Variants in SWAP70 observed in about 807,000 individuals in gnomAD.
The protein encoded by SWAP70 is switch-associated protein 70.
Under a neutral mutation model 80.2 loss-of-function variants are expected in SWAP70, and 34 were observed. That is an observed-to-expected ratio of 0.42 (90% CI 0.32 to 0.56). The LOEUF is 0.56. Ranked by LOEUF, SWAP70 falls within the 20% of genes least tolerant of loss-of-function variation. The probability of loss-of-function intolerance (pLI) is 0.09; values close to 1 mark genes in which losing one functional copy is unlikely to be tolerated. For synonymous variants in SWAP70, 239 were observed against 238.5 expected, an observed-to-expected ratio of 1.00 and a Z score of -0.02; for missense variants, 578 against 690.7, an observed-to-expected ratio of 0.84 and a Z score of 1.83.
intron 9 of SWAP70, 66 bp from the exon 10 acceptor site, chr11:9,747,792 C>T: frequency 2.0e-6 from 3 of 1,485,262 alleles, no homozygotes; most frequent in Non-Finnish European, 1.9e-6. Context: ...AAATGCTTCC[C>T]TCGTCTGCTG....
intron 10 of SWAP70, among the ~76,000 whole-genome samples, chr11:9,748,262 G>T (rs1397609246): frequency 1.3e-5 from 2 of 152,172 alleles, no homozygotes; most frequent in Non-Finnish European, 2.9e-5. Context: ...TTTGAACAGG[G>T]AAAGTTTAAT....
intron 9 of SWAP70, chr11:9,741,389 A>C (rs1851436150): frequency 6.6e-6 from 1 of 152,206 alleles, no homozygotes; most frequent in Admixed American, 6.5e-5. Context: ...ACAGGTGCAC[A>C]TTCACTGCAC....
At chr11:9,691,212 C>G (rs1458151912) in intron 1 of SWAP70, among the ~76,000 whole-genome samples, 1 of 152,172 alleles carries the variant, frequency 6.6e-6, no homozygotes, top group East Asian at 1.9e-4. Flanking sequence ...GCCACCATGC[C>G]CAGCCTGTTG....
At position 9,674,830 on chromosome 11, in the gene SWAP70, G is replaced by T. The variant is rs780337934; in HGVS notation, c.99+10552G>T. 1.6e-4 allele frequency among the ~76,000 whole-genome samples: 24 copies of T among 152,118 alleles called. No homozygotes were observed. In the South Asian group the frequency reaches 2.1e-3, roughly 13 times the overall value. Reference sequence around the variant, plus strand: ...ATACAAAAAAAGAAATTAGCTGGGCGTGGTGGCGGGCGGCTGTAGTCCCAG... The same window carrying T: ...ATACAAAAAAAGAAATTAGCTGGGCTTGGTGGCGGGCGGCTGTAGTCCCAG... On this transcript the variant is annotated intron_variant, in intron 1 of 11. Coordinates refer to ENST00000318950, the MANE Select transcript of SWAP70 (RefSeq NM_015055.4).
intron 10 of SWAP70, among the ~76,000 whole-genome samples, chr11:9,748,562 T>C (rs921017534): frequency 1.3e-5 from 2 of 152,242 alleles, no homozygotes; most frequent in African/African-American, 2.4e-5. Context: ...AGGGAGGTGC[T>C]ACAGAAACTC....
chr11:9,732,493 C>T, intron 6 of SWAP70, 36 bp from the exon 7 acceptor site: 2 of 1,561,406 alleles, frequency 1.3e-6, no homozygotes, highest in Non-Finnish European at 8.7e-7. Flanking sequence ...TAAATAATAT[C>T]TCCCCATTTT....
At chr11:9,726,761 A>C (rs1851230227) in intron 4 of SWAP70, 2 of 396,810 alleles carry the variant, frequency 5.0e-6, no homozygotes, top group Non-Finnish European at 1.0e-5. Flanking sequence ...GGCCTATAAT[A>C]ATGTATAATT....
chr11:9,687,259 G>A (rs1387457044), intron 1 of SWAP70, among the ~76,000 whole-genome samples: 1 of 152,084 alleles, frequency 6.6e-6, no homozygotes, highest in Non-Finnish European at 1.5e-5. Flanking sequence ...ATATTTAAAG[G>A]CATTCTTAGT....
intron 7 of SWAP70, among the ~76,000 whole-genome samples, chr11:9,733,105 C>T (rs1851321422): frequency 3.3e-5 from 5 of 152,006 alleles, no homozygotes. Flanking sequence ...CTTGGAAGAC[C>T]CTTACTTTAG....
intron 3 of SWAP70, among the ~76,000 whole-genome samples, chr11:9,717,472 A>G (rs1037613046): frequency 2.6e-5 from 4 of 152,012 alleles, no homozygotes; most frequent in African/African-American, 9.7e-5. Context: ...TGTGTCTACA[A>G]AAAAATACAA....
intron 1 of SWAP70, among the ~76,000 whole-genome samples, chr11:9,665,769 C>T (rs1590002270): frequency 1.3e-5 from 2 of 152,188 alleles, no homozygotes; most frequent in Non-Finnish European, 2.9e-5. Flanking sequence ...TTTAGCCATG[C>T]ATCTGTGAGA....
In SWAP70 at chr11:9,664,142, T is replaced by G. The variant is rs1349492436; in HGVS notation, c.-38T>G. 1.3e-6 allele frequency: 2 copies of G among 1,528,742 alleles called. No individual in the cohort carries two copies. Among genetic ancestry groups the G allele is most frequent in the Non-Finnish European group, 1.8e-6 (2 of 1,139,158 alleles). The allele number at this position is 1,528,742 out of a possible 1,614,324, so 94.7% of individuals were successfully genotyped here. A position where few individuals can be genotyped will look rare whatever the true frequency, so the allele number is the denominator to read the frequency against. ...GCGTCCGAGGCGCGGAGGGGCTGGC[T>G]GGGCAGGAGGGGTTGGCGGGGCAGC... On this transcript the variant is annotated 5_prime_UTR_variant, in exon 1 of 12. Transcript: ENST00000318950.
At chr11:9,696,629 G>A (rs1485829107) in intron 2 of SWAP70, among the ~76,000 whole-genome samples, 1 of 152,056 alleles carries the variant, frequency 6.6e-6, no homozygotes, top group African/African-American at 2.4e-5. Flanking sequence ...GTTTTTTTAT[G>A]TGACCAGTAG....
At chr11:9,727,098 T>C in intron 4 of SWAP70, 1 of 384,244 alleles carries the variant, frequency 2.6e-6, no homozygotes, top group South Asian at 2.0e-5. Flanking sequence ...CTTATTTTAT[T>C]TAAAAATTTT....
intron 4 of SWAP70, chr11:9,726,849 CTTAGAAGCCACAT>C (rs1328013674): frequency 2.2e-6 from 1 of 456,006 alleles, no homozygotes; most frequent in Non-Finnish European, 4.4e-6. Flanking sequence ...TGAGTGTGAG[CTTAGAAGCCACAT>C]TTAGAAGCCA....
intron 3 of SWAP70, chr11:9,720,254 A>C (rs1386034790): frequency 7.1e-6 from 7 of 985,314 alleles, no homozygotes; most frequent in Non-Finnish European, 8.4e-6. Context: ...AATCTAGATT[A>C]GTTGTCTGGC....
rs1851572851 is a variant in SWAP70 at position 9,750,491 on chromosome 11, A to C, written c.*521A>C. ...AAGGGTTACCTGAAAAGAAAAAAAA[A>C]GTCAACATTGTCAAGCTGTTTGTTT... On this transcript the variant is annotated 3_prime_UTR_variant, in exon 12 of 12. Coordinates refer to ENST00000318950, the MANE Select transcript of SWAP70 (RefSeq NM_015055.4). 6.6e-6 allele frequency: 1 copy of C among 152,346 alleles called. No individual in the cohort carries two copies. The highest frequency in any genetic ancestry group is 2.1e-4 in the South Asian group (1 of 4,842). 9.4% of individuals were successfully genotyped at this position (152,346 alleles called of 1,614,324 possible). A position where few individuals can be genotyped will look rare whatever the true frequency, so the allele number is the denominator to read the frequency against.
At chr11:9,689,260 C>A (rs1050669437) in intron 1 of SWAP70, among the ~76,000 whole-genome samples, 6 of 152,196 alleles carry the variant, frequency 3.9e-5, no homozygotes, top group Admixed American at 1.3e-4. Context: ...TCCTTGATTT[C>A]ATTTTCATGA....
intron 2 of SWAP70, 52 bp from the exon 3 acceptor site, chr11:9,713,414 A>C (rs1851024741): frequency 6.5e-7 from 1 of 1,538,782 alleles, no homozygotes; most frequent in African/African-American, 1.4e-5. Context: ...CTTGCCTTAG[A>C]TACTGCTTAT....
Sources: gnomAD v4.1 joint callset for allele counts (sites outside exome capture counted in the v4.1 genomes callset) on GRCh38, gnomAD v4.1.1 for gene constraint, MANE v1.5 for transcripts, NCBI Gene and HGNC (gene_info 2026-07-23, HGNC 2026-07-21) for gene names.